ZBP1: variants seen among roughly 807,000 people sequenced by gnomAD.
The protein encoded by ZBP1 is Z-DNA binding protein 1.
ZBP1 carries 42 observed loss-of-function variants against 41.1 expected under a neutral mutation model. The ratio of observed to expected loss-of-function variants is 1.02; its 90% CI spans 0.80 to 1.32. The LOEUF (loss-of-function observed/expected upper bound fraction) is 1.32, where lower values mean the gene tolerates loss of function less well. ZBP1 is among the 40% of genes most tolerant of loss of function. The probability of loss-of-function intolerance (pLI) is 0.00; values close to 1 mark genes in which losing one functional copy is unlikely to be tolerated. For missense variants in ZBP1, 562 were observed against 549.7 expected (o/e 1.02, Z -0.22); for synonymous variants, 214 against 205.2 (o/e 1.04, Z -0.37).
In ZBP1 at chr20:57,610,015, C is replaced by CT. The variant is rs1173510870; in HGVS notation, c.1093+133dup. On this transcript the variant is annotated intron_variant, in intron 7 of 7. Coordinates refer to ENST00000371173, the MANE Select transcript of ZBP1 (RefSeq NM_030776.3). The surrounding 1 kb of genome is among the most constrained non-coding windows in gnomAD (Gnocchi z 5.5). ...CTGACTCTAGAGCTGCTGCTCCTCG[C>CT]TGTGGGTGGGCACAGCCTCCAGACT... 9.9e-7 allele frequency: 1 copy of CT among 1,008,618 alleles called. No homozygotes were observed. The highest frequency in any genetic ancestry group is 1.6e-5 in the African/African-American group (1 of 61,862). The allele number at this position is 1,008,618 out of a possible 1,614,324, so 62.5% of individuals were successfully genotyped here. A position where few individuals can be genotyped will look rare whatever the true frequency, so the allele number is the denominator to read the frequency against.
intron 5 of ZBP1, 44 bp from the exon 6 acceptor site, chr20:57,611,974 G>T (rs771999288): frequency 2.0e-6 from 3 of 1,536,692 alleles, no homozygotes; most frequent in South Asian, 2.4e-5. Flanking sequence ...ATTACTGCAG[G>T]CTTCTTCCTT....
chr20:57,614,505 G>T (rs886078158), intron 4 of ZBP1, among the ~76,000 whole-genome samples: 1 of 152,210 alleles, frequency 6.6e-6, no homozygotes, highest in African/African-American at 2.4e-5. Flanking sequence ...GGCTCCAGCC[G>T]GTAGGGGTCC....
chr20:57,607,042 A>T (rs1405085261), intron 7 of ZBP1: 2 of 1,293,758 alleles, frequency 1.5e-6, no homozygotes, highest in African/African-American at 1.5e-5. Flanking sequence ...ATTAAGGAGT[A>T]ACTTCAACAT....
At position 57,604,046 on chromosome 20, in the gene ZBP1, T is replaced by G. The variant is rs1420977928; in HGVS notation, c.*527A>C. On this transcript the variant is annotated 3_prime_UTR_variant, in exon 8 of 8. Coordinates refer to ENST00000371173, the MANE Select transcript of ZBP1 (RefSeq NM_030776.3). Reference sequence around the variant, plus strand: ...CAACGCCCGGCTAATTTTTTGTATTTTTTTTTTTAGTAGAGACGGGGTTTC... The same window carrying G: ...CAACGCCCGGCTAATTTTTTGTATTGTTTTTTTTAGTAGAGACGGGGTTTC... The G allele has an allele frequency of 1.6e-5, 3 of 192,886 alleles. No individual in the cohort carries two copies. The highest frequency in any genetic ancestry group is 1.8e-4 in the East Asian group (1 of 5,642). 11.9% of individuals were successfully genotyped at this position (192,886 alleles called of 1,614,324 possible). A position where few individuals can be genotyped will look rare whatever the true frequency, so the allele number is the denominator to read the frequency against.
rs141986743 is a variant in ZBP1, at chr20:57,609,676, G to A, written c.1093+473C>T. ...TGGGCTTCAAGCAGGCGGGGCCACC[G>A]TGTGTGGCATCTCCACTGCAGCAGG... is the stretch of plus-strand genomic sequence containing the variant. On this transcript the variant is annotated intron_variant, in intron 7 of 7. Transcript: ENST00000371173. Among the ~76,000 whole-genome samples, 670 of 152,152 alleles carry A rather than the reference G, an allele frequency of 4.4e-3. 2 individuals carry two copies. The highest frequency in any genetic ancestry group is 6.9e-3 in the Non-Finnish European group (472 of 68,004).
Position 57,611,411 on chromosome 20 carries a change from ATTT to A in ZBP1, c.874+313_874+315del, listed in dbSNP as rs3068061. The stretch of plus-strand genomic sequence containing the variant: ...AGGCGCAAGCCACCATGCCCGGTTA[ATTT>A]TTTTTTTTTTTTTTTTTGTATTTTT... On this transcript the variant is annotated intron_variant, in intron 6 of 7. Coordinates refer to ENST00000371173, the MANE Select transcript of ZBP1 (RefSeq NM_030776.3). Among the ~76,000 whole-genome samples the A allele has an allele frequency of 1.2e-3, 115 of 95,134 alleles. 1 individual carries two copies. The South Asian group carries it at 0.016, about 13-fold the overall frequency. The allele number at this position is 95,134 out of a possible 152,430, so 62.4% of individuals were successfully genotyped here.
chr20:57,619,595 A>C (rs1349832459), intron 1 of ZBP1, among the ~76,000 whole-genome samples: 1 of 152,184 alleles, frequency 6.6e-6, no homozygotes, highest in African/African-American at 2.4e-5. Flanking sequence ...GTATCTCATC[A>C]AAGCAAACCG....
At chr20:57,619,749 G>C (rs758980605) in intron 1 of ZBP1, among the ~76,000 whole-genome samples, 3 of 152,120 alleles carry the variant, frequency 2.0e-5, no homozygotes, top group Non-Finnish European at 4.4e-5. Context: ...GTCCCTGCAG[G>C]CCATCAGGAA....
At position 57,604,769 on chromosome 20, in the gene ZBP1, C is replaced by G. The variant is rs752307843; in HGVS notation, c.1094G>C (p.Gly365Ala). 6.2e-7 allele frequency: 1 copy of G among 1,611,708 alleles called. No individual in the cohort carries two copies. Among genetic ancestry groups the G allele is most frequent in the East Asian group, 2.2e-5 (1 of 44,860 alleles). ...GGATTGTGTGTCTGCGGGACGACGA[C>G]CTAGGGAAGAGAAGATGGGGGATCA... Reference protein sequence around the residue: ...SGEGEPGEDAGRRPADTQSRS... With the variant: ...SGEGEPGEDAARRPADTQSRS... The change falls in exon 8 of 8, where the codon GGT becomes GCT. Residue 365 changes from glycine (G) to alanine (A), a missense_variant and splice_region_variant. Transcript: ENST00000371173.
Position 57,620,349 on chromosome 20 carries a change from C to T in ZBP1, c.-54G>A. 6.4e-7 allele frequency: 1 copy of T among 1,559,752 alleles called. No homozygotes were observed. ...GACTTGGCAGGTGTGCAGGCTTCTG[C>T]ACTGTGGCCCTGAGAGGGTGGGCTA... On this transcript the variant is annotated 5_prime_UTR_variant, in exon 1 of 8. Coordinates refer to ENST00000371173, the MANE Select transcript of ZBP1 (RefSeq NM_030776.3).
intron 6 of ZBP1, among the ~76,000 whole-genome samples, chr20:57,611,431 TGTA>T (rs2070667042): frequency 4.1e-5 from 6 of 145,472 alleles, no homozygotes; most frequent in Admixed American, 6.9e-5. Context: ...TTTTTTTTTT[TGTA>T]TTTTTGATAG....
Position 57,610,600 on chromosome 20 carries a change from C to G in ZBP1, c.875-233G>C. 3.4e-6 allele frequency: 2 copies of G among 584,672 alleles called. No homozygotes were observed. The highest frequency in any genetic ancestry group is 2.9e-5 in the East Asian group (1 of 34,964). 36.2% of individuals were successfully genotyped at this position (584,672 alleles called of 1,614,324 possible). ...TCCACTGATCCCGCAGTGGGTCTGC[C>G]CCACTGATCCCGCCCGGCTGATCTG... is the stretch of plus-strand genomic sequence containing the variant. On this transcript the variant is annotated intron_variant, in intron 6 of 7. Coordinates refer to ENST00000371173, the MANE Select transcript of ZBP1 (RefSeq NM_030776.3). The surrounding 1 kb of genome is among the most constrained non-coding windows in gnomAD (Gnocchi z 5.5).
In ZBP1 at chr20:57,615,072, G is replaced by A; in HGVS notation, c.329-12C>T. Reference sequence around the variant, plus strand: ...GTAGATGTCTTCCTCTGGGAGGCAGGATGGCCAGGTGGTTAGGGAGTAGTC... The same window carrying A: ...GTAGATGTCTTCCTCTGGGAGGCAGAATGGCCAGGTGGTTAGGGAGTAGTC... On this transcript the variant is annotated splice_polypyrimidine_tract_variant and intron_variant, in intron 3 of 7. Coordinates refer to ENST00000371173, the MANE Select transcript of ZBP1 (RefSeq NM_030776.3). 1 of 1,614,100 alleles carries A rather than the reference G, an allele frequency of 6.2e-7. No homozygotes were observed. Among genetic ancestry groups the A allele is most frequent in the East Asian group, 2.2e-5 (1 of 44,876 alleles).
chr20:57,604,704 G>T lies in ZBP1; in HGVS notation c.1159C>A (p.Pro387Thr), dbSNP rs758253059. 1 of 1,614,234 alleles carries T rather than the reference G, an allele frequency of 6.2e-7. No individual in the cohort carries two copies. The change falls in exon 8 of 8, where the codon CCC becomes ACC. Residue 387 changes from proline to threonine, a missense_variant. Coordinates refer to ENST00000371173, the MANE Select transcript of ZBP1 (RefSeq NM_030776.3). The stretch of plus-strand genomic sequence containing the variant: ...TTGGGGGTGAGCTTCGAGTGGCTGG[G>T]AGTGATGGGCTGACCAATGTCTCGA... ...FPRDIGQPIT[P>T]SHSKLTPKLE...
rs896961162 is a variant in ZBP1, at chr20:57,606,911, A to T, written c.1094-2142T>A. On this transcript the variant is annotated intron_variant, in intron 7 of 7. Transcript: ENST00000371173. ...ATCCTGGATTGAGGGCCAAAAAAAAATTTTTTTTTTACTACTCGTTGACAA... is the reference window on the plus strand; with the variant it reads ...ATCCTGGATTGAGGGCCAAAAAAAATTTTTTTTTTTACTACTCGTTGACAA... 1.2e-4 allele frequency: 119 copies of T among 969,582 alleles called. 1 individual carries two copies. The highest frequency in any genetic ancestry group is 1.9e-4 in the African/African-American group (11 of 57,170). The allele number at this position is 969,582 out of a possible 1,614,324, so 60.1% of individuals were successfully genotyped here. A position where few individuals can be genotyped will look rare whatever the true frequency, so the allele number is the denominator to read the frequency against.
At position 57,610,171 on chromosome 20, in the gene ZBP1, C is replaced by A. The variant is rs745740982; in HGVS notation, c.1071G>T (p.Glu357Asp). 16 of 1,613,912 alleles carry A rather than the reference C, an allele frequency of 9.9e-6. 1 individual carries two copies. Among genetic ancestry groups the A allele is most frequent in the East Asian group, 6.7e-5 (3 of 44,890 alleles). The change falls in exon 7 of 8, where the codon GAG (glutamate) becomes GAT (aspartate). Residue 357 changes from glutamate to aspartate, a missense_variant. Glu to Asp is a conservative substitution (Grantham distance 45, BLOSUM62 2). Coordinates refer to ENST00000371173, the MANE Select transcript of ZBP1 (RefSeq NM_030776.3). The surrounding 1 kb of genome is among the most constrained non-coding windows in gnomAD (Gnocchi z 5.5). ...AGPGGVAGSGEGEPGEDAGRR... is the reference protein window; with the variant it reads ...AGPGGVAGSGDGEPGEDAGRR... Reference sequence around the variant, plus strand: ...CACCTGCGTCCTCCCCTGGCTCCCCCTCTCCAGACCCTGCGACTCCTCCTG... The same window carrying A: ...CACCTGCGTCCTCCCCTGGCTCCCCATCTCCAGACCCTGCGACTCCTCCTG...
At chr20:57,620,229 A>C (rs2070972295) in intron 1 of ZBP1, 33 bp downstream of exon 1, 2 of 1,569,520 alleles carry the variant, frequency 1.3e-6, no homozygotes, top group Non-Finnish European at 1.7e-6. Flanking sequence ...CCCGGGAGCT[A>C]CCGCTGGTCC....
At chr20:57,615,631 G>A in intron 2 of ZBP1, 51 bp from the exon 3 acceptor site, 1 of 1,542,118 alleles carries the variant, frequency 6.5e-7, no homozygotes, top group Non-Finnish European at 8.8e-7. Flanking sequence ...GACAGCACCA[G>A]GCCTCCACCC....
intron 7 of ZBP1, among the ~76,000 whole-genome samples, chr20:57,605,895 T>C (rs542512237): frequency 6.6e-4 from 101 of 152,122 alleles, no homozygotes; most frequent in African/African-American, 2.3e-3. Flanking sequence ...GATTGTGCCA[T>C]TGCACTCCAG....
Sources: allele counts gnomAD v4.1 joint callset (sites outside exome capture counted in the v4.1 genomes callset), GRCh38; gene constraint gnomAD v4.1.1; non-coding constraint Gnocchi (gnomAD v3.1); transcripts MANE v1.5; gene names NCBI Gene and HGNC (gene_info 2026-07-23, HGNC 2026-07-21).